The following RNF150 variants were observed in gnomAD, a reference collection of about 807,000 sequenced individuals.
RNF150 encodes ring finger protein 150.
A neutral mutation model predicts 39.3 loss-of-function variants in RNF150; 24 were observed. The ratio of observed to expected loss-of-function variants is 0.61; its 90% CI spans 0.44 to 0.86. The LOEUF (loss-of-function observed/expected upper bound fraction) is 0.86. Ranked by LOEUF, RNF150 falls within the 40% of genes least tolerant of loss-of-function variation. RNF150 has a pLI of 0.00. For synonymous variants in RNF150, 255 were observed against 227.3 expected (o/e 1.12, Z -1.10); for missense variants, 502 against 587.8 (o/e 0.85, Z 1.51).
intron 1 of RNF150, among the ~76,000 whole-genome samples, chr4:141,039,190 G>A (rs1043490174): frequency 6.6e-6 from 1 of 152,170 alleles, no homozygotes; most frequent in African/African-American, 2.4e-5. Flanking sequence ...AAGAATTTAC[G>A]AGCCTCTTTC....
chr4:141,117,332 A>C (rs949569942), intron 1 of RNF150, among the ~76,000 whole-genome samples: 1 of 152,200 alleles, frequency 6.6e-6, no homozygotes, highest in African/African-American at 2.4e-5. Context: ...TGTGGGAAAC[A>C]ATGTTTCCAG....
At chr4:141,016,332 C>G (rs148711810) in intron 1 of RNF150, among the ~76,000 whole-genome samples, 1 of 152,160 alleles carries the variant, frequency 6.6e-6, no homozygotes, top group Non-Finnish European at 1.5e-5. Context: ...TAAGACACAC[C>G]CACTTGCACC....
intron 2 of RNF150, among the ~76,000 whole-genome samples, chr4:140,955,023 CT>C (rs1408534414): frequency 2.6e-5 from 4 of 152,028 alleles, no homozygotes; most frequent in African/African-American, 9.7e-5. Context: ...TTCTTAAGTT[CT>C]AGGTGAAGGG....
rs190697068 is a variant in RNF150 at position 141,179,183 on chromosome 4, G to A, written c.-6+33611C>T. 5.7e-3 allele frequency among the ~76,000 whole-genome samples: 867 copies of A among 152,282 alleles called. 7 individuals carry two copies. The highest frequency in any genetic ancestry group is 0.01 in the Non-Finnish European group (709 of 68,032). ...GCAAGCACCATATCTCAAGAGTGTAGCACCTGGTCGTTGATTGGTAGACAG... is the reference window on the plus strand; with the variant it reads ...GCAAGCACCATATCTCAAGAGTGTAACACCTGGTCGTTGATTGGTAGACAG... On this transcript the variant is annotated intron_variant, in intron 1 of 7. Coordinates refer to the RNF150 transcript ENST00000420921.
intron 4 of RNF150, among the ~76,000 whole-genome samples, chr4:140,932,894 T>C (rs1731707364): frequency 6.6e-6 from 1 of 152,240 alleles, no homozygotes; most frequent in Non-Finnish European, 1.5e-5. Flanking sequence ...TTTGTCAGCC[T>C]GACTGCCATG....
intron 1 of RNF150, among the ~76,000 whole-genome samples, chr4:141,002,380 T>G (rs1429749006): frequency 2.0e-5 from 3 of 152,200 alleles, no homozygotes; most frequent in Non-Finnish European, 4.4e-5. Context: ...AGATCTATGA[T>G]GTCAACCCTT....
chr4:141,054,912 TAACA>T (rs1469293326), intron 1 of RNF150, among the ~76,000 whole-genome samples: 3 of 152,152 alleles, frequency 2.0e-5, no homozygotes, highest in Non-Finnish European at 4.4e-5. Flanking sequence ...GCAAATGTGA[TAACA>T]AACAACAAAA....
chr4:140,918,610 G>C (rs1238888124), intron 5 of RNF150, among the ~76,000 whole-genome samples: 1 of 151,894 alleles, frequency 6.6e-6, no homozygotes, highest in Non-Finnish European at 1.5e-5. Flanking sequence ...AGAGGTACAA[G>C]GAGGAGCTGG....
At chr4:140,905,104 T>G (rs949989855) in intron 6 of RNF150, among the ~76,000 whole-genome samples, 8 of 152,204 alleles carry the variant, frequency 5.3e-5, no homozygotes, top group Non-Finnish European at 1.0e-4. Flanking sequence ...TTTGCAGTGG[T>G]AGGCGTCAGA....
chr4:141,163,243 G>A (rs1281566406), intron 1 of RNF150, among the ~76,000 whole-genome samples: 3 of 152,212 alleles, frequency 2.0e-5, no homozygotes, highest in African/African-American at 7.2e-5. Flanking sequence ...TAGCCAGAGT[G>A]CTTCTCTAGA....
At chr4:141,176,752 G>A (rs190456350) in intron 1 of RNF150, among the ~76,000 whole-genome samples, 202 of 152,192 alleles carry the variant, frequency 1.3e-3, no homozygotes, top group Non-Finnish European at 1.9e-3. Flanking sequence ...GCTCATTTCT[G>A]CTGGTTTTAA....
At chr4:140,981,259 T>G (rs1408934323) in intron 1 of RNF150, among the ~76,000 whole-genome samples, 1 of 152,144 alleles carries the variant, frequency 6.6e-6, no homozygotes, top group African/African-American at 2.4e-5. Context: ...TTTTTCAGAT[T>G]TTGAAAGATT....
At chr4:140,913,852 T>C (rs969212222) in intron 5 of RNF150, among the ~76,000 whole-genome samples, 4 of 152,186 alleles carry the variant, frequency 2.6e-5, no homozygotes, top group African/African-American at 7.2e-5. Flanking sequence ...CTGCCCTAAA[T>C]CAATTAAGGG....
Position 140,865,238 on chromosome 4 carries a change from T to C in RNF150, c.*3023A>G, listed in dbSNP as rs565243685. 14 of 152,228 alleles carry C rather than the reference T, an allele frequency of 9.2e-5. No individual in the cohort carries two copies. The highest frequency in any genetic ancestry group is 3.4e-4 in the African/African-American group (14 of 41,468). 9.4% of individuals were successfully genotyped at this position (152,228 alleles called of 1,614,324 possible). A position where few individuals can be genotyped will look rare whatever the true frequency, so the allele number is the denominator to read the frequency against. On this transcript the variant is annotated 3_prime_UTR_variant, in exon 7 of 7. Coordinates refer to ENST00000515673, the MANE Select transcript of RNF150 (RefSeq NM_020724.2). ...ACAATATTAGGTTAAAGTACATGAT[T>C]AAAATTATCTTTACCTGTTTCTTTT...
At chr4:141,179,670 G>A (rs569303197) in intron 1 of RNF150, among the ~76,000 whole-genome samples, 4 of 152,010 alleles carry the variant, frequency 2.6e-5, no homozygotes, top group Non-Finnish European at 5.9e-5. Flanking sequence ...TCTGGTTAAG[G>A]GCAACCTCTA....
At chr4:141,011,827 G>C (rs12509205) in intron 1 of RNF150, among the ~76,000 whole-genome samples, 21,711 of 152,214 alleles carry the variant, frequency 0.14, 1,826 homozygotes, top group East Asian at 0.35. Context: ...CATTCACTCA[G>C]TGATTATAAA....
chr4:140,960,819 C>T (rs890160218), intron 2 of RNF150, among the ~76,000 whole-genome samples: 22 of 151,978 alleles, frequency 1.4e-4, no homozygotes, highest in African/African-American at 2.4e-5. Context: ...TTACTATTTG[C>T]GCAGGTGTGG....
At chr4:141,079,864 T>C (rs932826512) in intron 1 of RNF150, among the ~76,000 whole-genome samples, 1 of 152,178 alleles carries the variant, frequency 6.6e-6, no homozygotes, top group Admixed American at 6.5e-5. Context: ...TTGGGGCAAA[T>C]TGCTAACCCT....
intron 4 of RNF150, among the ~76,000 whole-genome samples, chr4:140,926,579 T>A (rs1445557139): frequency 6.6e-6 from 1 of 152,240 alleles, no homozygotes; most frequent in Non-Finnish European, 1.5e-5. Flanking sequence ...TTTTAAGTTG[T>A]GGCTTCTGGT....
Sources: allele counts gnomAD v4.1 joint callset (sites outside exome capture counted in the v4.1 genomes callset), GRCh38; gene constraint gnomAD v4.1.1; transcripts MANE v1.5; gene names NCBI Gene and HGNC (gene_info 2026-07-23, HGNC 2026-07-21).